Variants in SOX5 observed in about 807,000 individuals in gnomAD.
SOX5 encodes SRY-box transcription factor 5.
A neutral mutation model predicts 92.0 loss-of-function variants in SOX5; 9 were observed. The ratio of observed to expected loss-of-function variants is 0.10; its 90% confidence interval spans 0.06 to 0.17. SOX5 has a LOEUF of 0.17. Ranked by LOEUF, SOX5 falls within the 10% of genes least tolerant of loss-of-function variation. The pLI is 1.00. For missense variants in SOX5, 642 were observed against 944.5 expected (o/e 0.68, Z 4.20); for synonymous variants, 344 against 336.3 (o/e 1.02, Z -0.25).
chr12:23,633,088 T>C (rs2078763566), intron 8 of SOX5, among the ~76,000 whole-genome samples: 1 of 152,128 alleles, frequency 6.6e-6, no homozygotes, highest in African/African-American at 2.4e-5. Context: ...CTATCAATCA[T>C]TGGTTGGAGT....
At chr12:23,817,265 T>C (rs1476659887) in intron 3 of SOX5, among the ~76,000 whole-genome samples, 3 of 152,192 alleles carry the variant, frequency 2.0e-5, no homozygotes, top group African/African-American at 7.2e-5. Flanking sequence ...ATTCTTATCA[T>C]AATCTTGACT....
At chr12:24,220,021 T>A (rs1166618752) in intron 3 of SOX5, among the ~76,000 whole-genome samples, 1 of 152,108 alleles carries the variant, frequency 6.6e-6, no homozygotes, top group Non-Finnish European at 1.5e-5. Context: ...CTTACATAAC[T>A]CGGTAATTAA....
At chr12:23,656,327 T>G (rs759927052) in intron 7 of SOX5, among the ~76,000 whole-genome samples, 7 of 152,100 alleles carry the variant, frequency 4.6e-5, no homozygotes, top group Non-Finnish European at 1.5e-5. Context: ...CAGAGAGCAT[T>G]AGAATTTAGA....
At chr12:23,825,251 T>C (rs752089122) in intron 3 of SOX5, among the ~76,000 whole-genome samples, 2 of 152,198 alleles carry the variant, frequency 1.3e-5, no homozygotes, top group Non-Finnish European at 2.9e-5. Flanking sequence ...GGTCTGCAGG[T>C]TGCGAAGACC....
At chr12:24,126,651 G>C (rs17487383) in intron 4 of SOX5, among the ~76,000 whole-genome samples, 12,098 of 152,198 alleles carry the variant, frequency 0.079, 654 homozygotes, top group Non-Finnish European at 0.12. Flanking sequence ...ATGTAAACCC[G>C]ACAATTGCAT....
intron 9 of SOX5, among the ~76,000 whole-genome samples, chr12:23,585,047 C>A (rs11046995): frequency 0.24 from 37,021 of 151,918 alleles, 5,017 homozygotes; most frequent in East Asian, 0.32. Flanking sequence ...GGAGATTAAT[C>A]AATAACTAAC....
chr12:24,291,885 A>T (rs919092388), intron 2 of SOX5, among the ~76,000 whole-genome samples: 1 of 152,214 alleles, frequency 6.6e-6, no homozygotes, highest in African/African-American at 2.4e-5. Flanking sequence ...AAAAGGAAGC[A>T]CTGTGGTTGC....
At chr12:23,650,737 A>C (rs2081455893) in intron 7 of SOX5, among the ~76,000 whole-genome samples, 1 of 152,128 alleles carries the variant, frequency 6.6e-6, no homozygotes, top group Non-Finnish European at 1.5e-5. Flanking sequence ...ATGGGGAACT[A>C]TTCAGCTAAA....
chr12:24,559,739 T>C (rs1954154493), intron 1 of SOX5, among the ~76,000 whole-genome samples: 1 of 152,174 alleles, frequency 6.6e-6, no homozygotes, highest in Non-Finnish European at 1.5e-5. Flanking sequence ...TAAACTTCAC[T>C]CTTTTGCTAT....
At chr12:24,473,290 A>G (rs572910763) in intron 1 of SOX5, among the ~76,000 whole-genome samples, 9 of 152,264 alleles carry the variant, frequency 5.9e-5, no homozygotes, top group African/African-American at 1.7e-4. Context: ...AGTGTTTGCA[A>G]ATTTCATGGT....
chr12:24,491,655 G>C (rs1947088850), intron 1 of SOX5, among the ~76,000 whole-genome samples: 1 of 152,052 alleles, frequency 6.6e-6, no homozygotes, highest in East Asian at 1.9e-4. Context: ...AAAAAATGAG[G>C]GGAAAAAGGA....
At chr12:23,556,527 A>G (rs1427436908) in intron 11 of SOX5, among the ~76,000 whole-genome samples, 1 of 152,186 alleles carries the variant, frequency 6.6e-6, no homozygotes, top group African/African-American at 2.4e-5. Context: ...AAAAACACAC[A>G]CACCCCTAGT....
intron 2 of SOX5, among the ~76,000 whole-genome samples, chr12:24,325,701 C>A (rs923872029): frequency 6.6e-6 from 1 of 152,154 alleles, no homozygotes; most frequent in Non-Finnish European, 1.5e-5. Flanking sequence ...TAAAAAAGGA[C>A]ATTCTCCACT....
intron 12 of SOX5, 91 bp from the exon 13 acceptor site, chr12:23,543,475 T>A: frequency 1.0e-6 from 1 of 975,708 alleles, no homozygotes; most frequent in Non-Finnish European, 1.5e-6. Context: ...TTAAGATATC[T>A]GAAAAGAAAA....
chr12:24,027,051 A>G (rs1172997200), intron 4 of SOX5, among the ~76,000 whole-genome samples: 1 of 152,014 alleles, frequency 6.6e-6, no homozygotes, highest in African/African-American at 2.4e-5. Flanking sequence ...AAAACTGATC[A>G]TGTTGATAAA....
chr12:24,133,903 A>G (rs1268533741), intron 4 of SOX5, among the ~76,000 whole-genome samples: 2 of 152,204 alleles, frequency 1.3e-5, no homozygotes, highest in Non-Finnish European at 2.9e-5. Flanking sequence ...AAATATTGGC[A>G]TACTCTCTCT....
chr12:23,966,111 C>A (rs552110732), intron 4 of SOX5, among the ~76,000 whole-genome samples: 3 of 148,174 alleles, frequency 2.0e-5, no homozygotes, highest in Non-Finnish European at 4.4e-5. Context: ...AAATTGAGGC[C>A]TAGGATTGTA....
intron 3 of SOX5, among the ~76,000 whole-genome samples, chr12:23,842,871 T>C (rs1400297630): frequency 6.6e-6 from 1 of 152,170 alleles, no homozygotes; most frequent in African/African-American, 2.4e-5. Flanking sequence ...ATTCCGTAAG[T>C]GTGGCTTGTA....
intron 4 of SOX5, among the ~76,000 whole-genome samples, chr12:23,962,871 T>C (rs1332693534): frequency 4.6e-5 from 7 of 152,224 alleles, no homozygotes; most frequent in African/African-American, 1.7e-4. Context: ...AGTGACATTA[T>C]GCCAAGGGCT....
Sources: gnomAD v4.1 joint callset for allele counts (sites outside exome capture counted in the v4.1 genomes callset) on GRCh38, gnomAD v4.1.1 for gene constraint, MANE v1.5 for transcripts, NCBI Gene and HGNC (gene_info 2026-07-23, HGNC 2026-07-21) for gene names.